Variants in TYW1B observed in about 807,000 individuals in gnomAD.
The protein encoded by TYW1B is tRNA-yW synthesizing protein 1 homolog B.
Under a neutral mutation model 86.9 loss-of-function variants are expected in TYW1B, and 73 were observed. The observed-to-expected ratio is 0.84, with a 90% CI of 0.70 to 1.02. TYW1B has a LOEUF of 1.02. TYW1B is among the 50% of genes least tolerant of loss of function. TYW1B has a pLI of 0.00. For synonymous variants in TYW1B, 248 were observed against 292.8 expected, an observed-to-expected ratio of 0.85 and a Z score of 1.56; for missense variants, 637 against 827.4, an observed-to-expected ratio of 0.77 and a Z score of 2.82.
chr7:72,601,400 C>T (rs1811662687), intron 13 of TYW1B, among the ~76,000 whole-genome samples: 1 of 150,580 alleles, frequency 6.6e-6, no homozygotes, highest in Non-Finnish European at 1.5e-5. Context: ...TGTATAGCAA[C>T]AGGAACAGCC....
At chr7:72,606,618 G>C (rs34068285) in intron 13 of TYW1B, among the ~76,000 whole-genome samples, 2 of 148,600 alleles carry the variant, frequency 1.3e-5, no homozygotes, top group African/African-American at 5.0e-5. Flanking sequence ...CCCCCCCCCC[G>C]CCTCCATCCT....
At chr7:72,582,551 G>A (rs1347067866) in intron 13 of TYW1B, among the ~76,000 whole-genome samples, 3 of 152,178 alleles carry the variant, frequency 2.0e-5, no homozygotes, top group African/African-American at 7.2e-5. Context: ...AGTTTCTTAG[G>A]AATCTCCTAG....
intron 9 of TYW1B, among the ~76,000 whole-genome samples, chr7:72,728,415 T>C (rs1186204954): frequency 1.3e-5 from 2 of 152,176 alleles, no homozygotes; most frequent in African/African-American, 4.8e-5. Context: ...CAAGCAATTC[T>C]CCTGCCTCAG....
chr7:72,745,350 A>C (rs1282122536), intron 7 of TYW1B, among the ~76,000 whole-genome samples: 1 of 152,148 alleles, frequency 6.6e-6, no homozygotes, highest in East Asian at 1.9e-4. Flanking sequence ...TATTTGAGAC[A>C]CTGTGGAAGC....
chr7:72,679,744 C>T (rs1813824078), intron 11 of TYW1B, among the ~76,000 whole-genome samples: 3 of 152,066 alleles, frequency 2.0e-5, no homozygotes, highest in South Asian at 4.1e-4. Flanking sequence ...CATAAGGATA[C>T]ATATAGGGTT....
chr7:72,611,128 C>T (rs1198951429), intron 13 of TYW1B, among the ~76,000 whole-genome samples: 1 of 152,114 alleles, frequency 6.6e-6, no homozygotes, highest in African/African-American at 2.4e-5. Flanking sequence ...CCTACTTCAG[C>T]CATCATTTAA....
At chr7:72,774,381 G>A (rs1372177007) in intron 7 of TYW1B, among the ~76,000 whole-genome samples, 238 of 124,776 alleles carry the variant, frequency 1.9e-3, no homozygotes, top group African/African-American at 2.1e-3. Flanking sequence ...TGTCCCAGGG[G>A]AAAAAAAAAA....
At chr7:72,665,941 G>A (rs2129569567) in intron 11 of TYW1B, among the ~76,000 whole-genome samples, 1 of 152,216 alleles carries the variant, frequency 6.6e-6, no homozygotes, top group East Asian at 1.9e-4. Flanking sequence ...AAAATACAAG[G>A]GAAAATGGGT....
chr7:72,693,018 C>T (rs1259764260), intron 11 of TYW1B, among the ~76,000 whole-genome samples: 26 of 152,170 alleles, frequency 1.7e-4, no homozygotes, highest in Non-Finnish European at 3.4e-4. Context: ...ACTCCCATAT[C>T]TGGCTGCATA....
chr7:72,786,948 T>C (rs2129572204), intron 6 of TYW1B, among the ~76,000 whole-genome samples: 1 of 152,042 alleles, frequency 6.6e-6, no homozygotes, highest in Non-Finnish European at 1.5e-5. Context: ...ACATGCATCA[T>C]TTTCAGACAA....
At chr7:72,769,459 G>A (rs1419295945) in intron 7 of TYW1B, among the ~76,000 whole-genome samples, 4 of 152,080 alleles carry the variant, frequency 2.6e-5, no homozygotes, top group African/African-American at 9.7e-5. Context: ...AAAGCTTCTA[G>A]AAGAAAATCT....
rs781881258 is a variant in TYW1B at position 72,744,599 on chromosome 7, C to T, written c.967G>A (p.Asp323Asn). The T allele has an allele frequency of 1.2e-6, 2 of 1,613,572 alleles. No homozygotes were observed. The highest frequency in any genetic ancestry group is 1.1e-5 in the South Asian group (1 of 91,062). ...AACAAGCTCCTCTCCCTCGGAGCATCGACTATGACAAGTAAACAAATCACA... is the reference window on the plus strand; with the variant it reads ...AACAAGCTCCTCTCCCTCGGAGCATTGACTATGACAAGTAAACAAATCACA... ...ALREALTKQV[D>N]APRERSLLQT... The change falls in exon 8 of 14, where the codon GAT becomes AAT. Residue 323 changes from aspartate to asparagine, a missense_variant and splice_region_variant. Physicochemically the swap from Asp to Asn is conservative, Grantham distance 23. Transcript: ENST00000620995.
intron 9 of TYW1B, among the ~76,000 whole-genome samples, chr7:72,717,467 T>C (rs529235053): frequency 1.3e-4 from 20 of 152,160 alleles, no homozygotes; most frequent in Non-Finnish European, 2.2e-4. Flanking sequence ...ATGTTCCTCA[T>C]AGATAGAGAA....
At chr7:72,616,609 A>G in intron 13 of TYW1B, 63 bp downstream of exon 13, 1 of 1,612,580 alleles carries the variant, frequency 6.2e-7, no homozygotes, top group South Asian at 1.1e-5. Flanking sequence ...AAATAAAGAG[A>G]GAAGAGAAGG....
At chr7:72,614,779 A>C (rs1195180378) in intron 13 of TYW1B, among the ~76,000 whole-genome samples, 5 of 152,226 alleles carry the variant, frequency 3.3e-5, no homozygotes, top group African/African-American at 1.2e-4. Context: ...AAATAACTGA[A>C]GCAGCAATAA....
In TYW1B at chr7:72,802,465, T is replaced by A; in HGVS notation, c.781A>T (p.Ser261Cys). 1 of 1,613,932 alleles carries A rather than the reference T, an allele frequency of 6.2e-7. No homozygotes were observed. The highest frequency in any genetic ancestry group is 8.5e-7 in the Non-Finnish European group (1 of 1,179,856). ...EEEFGGEDHQ[S>C]LNSIVDVEDL... ...TCAACATCAACAATGGAATTTAGGC[T>A]CTGATGGTCCTCACCACCAAACTCT... Residue 261 changes from serine (S) to cysteine (C), a missense_variant, in exon 6 of 14, where the codon AGC (serine) becomes TGC (cysteine). Coordinates refer to ENST00000620995, the MANE Select transcript of TYW1B (RefSeq NM_001145440.3).
At chr7:72,755,027 T>C (rs1403533712) in intron 7 of TYW1B, among the ~76,000 whole-genome samples, 1 of 151,988 alleles carries the variant, frequency 6.6e-6, no homozygotes, top group African/African-American at 2.4e-5. Context: ...AATCACTATA[T>C]TGGAAAGAAG....
intron 7 of TYW1B, among the ~76,000 whole-genome samples, chr7:72,767,482 C>T (rs1226206580): frequency 6.6e-6 from 1 of 151,406 alleles, no homozygotes; most frequent in African/African-American, 2.4e-5. Context: ...TGGTGGCGGG[C>T]GCCTGTAGTC....
chr7:72,619,502 A>G (rs1360429129), intron 12 of TYW1B, among the ~76,000 whole-genome samples: 5 of 151,384 alleles, frequency 3.3e-5, no homozygotes, highest in Non-Finnish European at 7.4e-5. Context: ...TTAGCCGGGC[A>G]CGGTGGCGGG....
Sources: allele counts gnomAD v4.1 joint callset (sites outside exome capture counted in the v4.1 genomes callset), GRCh38; gene constraint gnomAD v4.1.1; transcripts MANE v1.5; gene names NCBI Gene and HGNC (gene_info 2026-07-23, HGNC 2026-07-21).